Variants in DACT2 observed in about 807,000 individuals in gnomAD.
DACT2 encodes dishevelled binding antagonist of beta catenin 2, also known as dapper homolog 2.
Under a neutral mutation model 22.2 loss-of-function variants are expected in DACT2, and 20 were observed. The observed-to-expected ratio is 0.90, with a 90% CI of 0.63 to 1.31. DACT2 has a LOEUF of 1.31. Among genes scored for constraint, DACT2 ranks in the 50% most tolerant of loss-of-function variants. The pLI is 0.00. For missense variants in DACT2, 1,048 were observed against 1,061.4 expected (o/e 0.99, Z 0.18); for synonymous variants, 463 against 479.8 (o/e 0.96, Z 0.46).
Position 168,307,372 on chromosome 6 carries a change from G to A in DACT2, c.*60C>T, listed in dbSNP as rs143076446. On this transcript the variant is annotated 3_prime_UTR_variant, in exon 4 of 4. Coordinates refer to ENST00000366795, the MANE Select transcript of DACT2 (RefSeq NM_214462.5). The surrounding 1 kb of genome is among the most constrained non-coding windows in gnomAD (Gnocchi z 5.3). ...GACACTGAAACCCAGACATGCACAG[G>A]ACACTGCATGGAAAGGGCCCCTGTG... 7.8e-6 allele frequency: 12 copies of A among 1,540,596 alleles called. No homozygotes were observed. Among genetic ancestry groups the A allele is most frequent in the African/African-American group, 4.1e-5 (3 of 72,758 alleles).
chr6:168,304,448 G>C (rs192530611), downstream of DACT2, among the ~76,000 whole-genome samples: 30 of 152,348 alleles, frequency 2.0e-4, no homozygotes, highest in Non-Finnish European at 3.8e-4. Flanking sequence ...TCTCAAAAAC[G>C]GGCTTCTTAT....
In DACT2 at chr6:168,311,142, G is replaced by A. The variant is rs755685856; in HGVS notation, c.379+10C>T. The A allele has an allele frequency of 5.8e-5, 88 of 1,515,764 alleles. No individual in the cohort carries two copies. The highest frequency in any genetic ancestry group is 2.6e-4 in the Admixed American group (13 of 50,250). 93.9% of individuals were successfully genotyped at this position (1,515,764 alleles called of 1,614,324 possible). On this transcript the variant is annotated intron_variant, in intron 2 of 3. Transcript: ENST00000366795. ...GCCCCTGTGTCCGGGAGGTCAGGGCGCCCTGGTACCTGAGCTGGGCCTGCT... is the reference window on the plus strand; with the variant it reads ...GCCCCTGTGTCCGGGAGGTCAGGGCACCCTGGTACCTGAGCTGGGCCTGCT...
At chr6:168,309,553 A>G (rs1296114805) in intron 3 of DACT2, among the ~76,000 whole-genome samples, 1 of 108,060 alleles carries the variant, frequency 9.3e-6, no homozygotes, top group African/African-American at 3.4e-5. Context: ...GAGAATCGCC[A>G]GTTCAGCGCC....
chr6:168,318,425 G>A (rs1466913241), intron 1 of DACT2, among the ~76,000 whole-genome samples: 3 of 152,196 alleles, frequency 2.0e-5, no homozygotes, highest in East Asian at 1.9e-4. Flanking sequence ...CTGAGCGAGC[G>A]AGGCAGACGG....
rs1779229143 is a variant in DACT2, at chr6:168,307,192, G to A, written c.*240C>T. ...GGGCAGACCTTGAAAAGAGACACTA[G>A]GTCGGCCGGGGAGGCTGCTGGCATC... On this transcript the variant is annotated 3_prime_UTR_variant, in exon 4 of 4. Transcript: ENST00000366795. This position sits in a 1 kb window ranked among gnomAD's most constrained non-coding sequence, Gnocchi z 5.3. The A allele has an allele frequency of 7.3e-7, 1 of 1,375,456 alleles. No individual in the cohort carries two copies. Among genetic ancestry groups the A allele is most frequent in the Non-Finnish European group, 9.4e-7 (1 of 1,067,860 alleles). The allele number at this position is 1,375,456 out of a possible 1,614,324, so 85.2% of individuals were successfully genotyped here.
rs1009786406 is a variant in DACT2, at chr6:168,307,720, C to T, written c.2037G>A (p.Pro679=). ...ECDPRFPSVI[P]ETSEGESSDH... ...CACTGGACTCTCCCTCGCTGGTCTC[C>T]GGGATGACTGACGGGAACCGCGGGT... The change falls in exon 4 of 4, where the codon CCG becomes CCA. Residue 679 remains proline (P), a synonymous_variant. Transcript: ENST00000366795. The surrounding 1 kb of genome is among the most constrained non-coding windows in gnomAD (Gnocchi z 5.3). The T allele has an allele frequency of 6.5e-6, 10 of 1,549,796 alleles. No individual in the cohort carries two copies. Among genetic ancestry groups the T allele is most frequent in the African/African-American group, 2.7e-5 (2 of 73,044 alleles).
At chr6:168,295,574 G>GA (rs540856382) in intron 3 of DACT2, among the ~76,000 whole-genome samples, 74 of 152,088 alleles carry the variant, frequency 4.9e-4, no homozygotes, top group Non-Finnish European at 1.5e-4. Context: ...ATAATTTTAA[G>GA]AAAAAAATTT....
intron 3 of DACT2, among the ~76,000 whole-genome samples, chr6:168,301,151 C>T (rs550753345): frequency 2.6e-5 from 4 of 152,336 alleles, no homozygotes; most frequent in East Asian, 3.9e-4. Context: ...CCGGGGCCTC[C>T]GGAGGCCGAG....
At chr6:168,314,969 C>T (rs1779508804) in intron 1 of DACT2, among the ~76,000 whole-genome samples, 1 of 152,212 alleles carries the variant, frequency 6.6e-6, no homozygotes, top group Non-Finnish European at 1.5e-5. Context: ...ATGCGTGGCC[C>T]TGAGCAAGTT....
In DACT2 at chr6:168,319,527, C is replaced by CGCAGCCCCT; in HGVS notation, c.98_106dup (p.Gln33_Leu35dup). ...CCGTACCCGCTCCTGCTGCGTGGCT[C>CGCAGCCCCT]GCAGCCCCTGCAGCTCCTGCAGCCC... On this transcript the variant is annotated inframe_insertion, in exon 1 of 4. Transcript: ENST00000366795. 7.3e-7 allele frequency: 1 copy of CGCAGCCCCT among 1,365,018 alleles called. No individual in the cohort carries two copies. Among genetic ancestry groups the CGCAGCCCCT allele is most frequent in the Non-Finnish European group, 9.5e-7 (1 of 1,050,620 alleles). The allele number at this position is 1,365,018 out of a possible 1,614,324, so 84.6% of individuals were successfully genotyped here.
At chr6:168,309,262 C>T (rs1476024136) in intron 3 of DACT2, among the ~76,000 whole-genome samples, 164 bp from the exon 4 acceptor site, 3 of 151,986 alleles carry the variant, frequency 2.0e-5, no homozygotes, top group Non-Finnish European at 4.4e-5. Flanking sequence ...CTGAGGTCCG[C>T]GTGTAGACAC....
intron 1 of DACT2, among the ~76,000 whole-genome samples, 181 bp downstream of exon 1, chr6:168,319,207 C>G (rs969737817): frequency 8.5e-5 from 13 of 152,170 alleles, no homozygotes; most frequent in African/African-American, 3.1e-4. Context: ...CTCTAGGCAC[C>G]TGCGCGCGGG....
rs76687634 is a variant in DACT2, at chr6:168,307,313, G to A, written c.*119C>T. On this transcript the variant is annotated 3_prime_UTR_variant, in exon 4 of 4. Transcript: ENST00000366795. This position sits in a 1 kb window ranked among gnomAD's most constrained non-coding sequence, Gnocchi z 5.3. ...CCATCTGCGGGGACTCCTGTTAAAC[G>A]GTGGCCTCGGAAGATAAAGCGACTT... The A allele has an allele frequency of 1.5e-3, 2,281 of 1,480,398 alleles. 35 individuals carry two copies. In the African/African-American group the frequency reaches 0.029, roughly 19 times the overall value. 91.7% of individuals were successfully genotyped at this position (1,480,398 alleles called of 1,614,324 possible).
At chr6:168,297,435 G>T (rs903995984) in intron 3 of DACT2, among the ~76,000 whole-genome samples, 1 of 152,164 alleles carries the variant, frequency 6.6e-6, no homozygotes, top group African/African-American at 2.4e-5. Flanking sequence ...GCTTGAGAAG[G>T]ACTCACAGAT....
At chr6:168,298,337 C>G (rs572493445) in intron 3 of DACT2, 1 of 152,042 alleles carries the variant, frequency 6.6e-6, no homozygotes, top group Non-Finnish European at 1.5e-5. Flanking sequence ...ATCCATTTGG[C>G]GAGGGCATGA....
At chr6:168,293,656 C>T in exon 6 of DACT2, 1 of 547,652 alleles carries the variant, frequency 1.8e-6, no homozygotes, top group Non-Finnish European at 3.3e-6. Flanking sequence ...ACCATTCTCT[C>T]TTACGTCCAT....
At chr6:168,311,676 ACACACT>A (rs1224071978) in intron 1 of DACT2, among the ~76,000 whole-genome samples, 2 of 151,840 alleles carry the variant, frequency 1.3e-5, no homozygotes, top group Admixed American at 1.3e-4. Flanking sequence ...ACATATACAC[ACACACT>A]CACACACACA....
chr6:168,319,623 G>C lies in DACT2; in HGVS notation c.11C>G (p.Pro4Arg). Residue 4 changes from proline to arginine, a missense_variant, in exon 1 of 4, where the codon CCG becomes CGG. By Grantham distance (103) the Pro-to-Arg change is moderately radical. Transcript: ENST00000366795. MWTPGGPPGSAGWD... is the reference protein window; with the variant it reads MWTRGGPPGSAGWD... ...GCCCGCGGACCCCGGGGGTCCGCCCGGCGTCCACATCTCCCGGGCAGGGTC... is the reference window on the plus strand; with the variant it reads ...GCCCGCGGACCCCGGGGGTCCGCCCCGCGTCCACATCTCCCGGGCAGGGTC... 7.7e-7 allele frequency: 1 copy of C among 1,298,678 alleles called. No individual in the cohort carries two copies. Among genetic ancestry groups the C allele is most frequent in the South Asian group, 2.0e-5 (1 of 49,166 alleles). 80.4% of individuals were successfully genotyped at this position (1,298,678 alleles called of 1,614,324 possible).
At chr6:168,296,387 G>T (rs555395440) in intron 3 of DACT2, among the ~76,000 whole-genome samples, 1 of 149,108 alleles carries the variant, frequency 6.7e-6, no homozygotes, top group Non-Finnish European at 1.5e-5. Flanking sequence ...CATCCACAGC[G>T]GTGAGGAGAT....
Sources: gnomAD v4.1 joint callset for allele counts (sites outside exome capture counted in the v4.1 genomes callset) on GRCh38, gnomAD v4.1.1 for gene constraint, Gnocchi (gnomAD v3.1) non-coding constraint, MANE v1.5 for transcripts, NCBI Gene and HGNC (gene_info 2026-07-23, HGNC 2026-07-21) for gene names.